The following FARP1 variants were observed in gnomAD, a reference collection of about 807,000 sequenced individuals.
FARP1 encodes FERM, ARHGEF and pleckstrin domain-containing protein 1.
In FARP1, 52 loss-of-function variants were observed where a neutral mutation model predicts 128.8. That is an observed-to-expected ratio of 0.40 (90% CI 0.32 to 0.51). The LOEUF is 0.51. Among genes scored for constraint, FARP1 ranks in the 20% least tolerant of loss-of-function variants. The pLI is 0.45. For synonymous variants in FARP1, 580 were observed against 551.8 expected (o/e 1.05, Z -0.72); for missense variants, 1,333 against 1,367.9 (o/e 0.97, Z 0.40).
At chr13:98,296,781 C>T (rs1885716615) in intron 2 of FARP1, among the ~76,000 whole-genome samples, 1 of 145,808 alleles carries the variant, frequency 6.9e-6, no homozygotes, top group Non-Finnish European at 1.5e-5. Flanking sequence ...TGCTTCCCAA[C>T]TCAGGTGATC....
chr13:98,175,844 T>C (rs1877972692), intron 1 of FARP1: 1 of 316,466 alleles, frequency 3.2e-6, no homozygotes, highest in Non-Finnish European at 5.8e-6. Flanking sequence ...ATTCTAGTTG[T>C]AGCATGTGAT....
chr13:98,267,046 C>T (rs2139564363), intron 2 of FARP1, among the ~76,000 whole-genome samples: 2 of 142,588 alleles, frequency 1.4e-5, no homozygotes, highest in South Asian at 4.6e-4. Context: ...GGGTGGTATA[C>T]AAGTGCAGAG....
chr13:98,210,807 C>T (rs1880659433), intron 1 of FARP1, among the ~76,000 whole-genome samples: 1 of 152,202 alleles, frequency 6.6e-6, no homozygotes, highest in Non-Finnish European at 1.5e-5. Flanking sequence ...CCTCAGCCTC[C>T]CAAAGTACTG....
At chr13:98,414,570 T>C (rs2389316) in intron 16 of FARP1, among the ~76,000 whole-genome samples, 49,522 of 152,054 alleles carry the variant, frequency 0.33, 9,160 homozygotes, top group African/African-American at 0.49. Context: ...TCGTTGAAGT[T>C]ACCTCAAGCA....
At chr13:98,184,422 G>A (rs1878726438) in intron 1 of FARP1, among the ~76,000 whole-genome samples, 1 of 152,132 alleles carries the variant, frequency 6.6e-6, no homozygotes, top group Non-Finnish European at 1.5e-5. Context: ...GCCTTTTAAT[G>A]TGTCATTTTA....
intron 1 of FARP1, among the ~76,000 whole-genome samples, chr13:98,179,078 G>A (rs1252184282): frequency 2.6e-5 from 4 of 152,122 alleles, no homozygotes; most frequent in Admixed American, 1.3e-4. Context: ...CCGTTTTCAC[G>A]CTGCTGATAA....
At chr13:98,238,303 C>T (rs1177156836) in intron 2 of FARP1, among the ~76,000 whole-genome samples, 1 of 152,184 alleles carries the variant, frequency 6.6e-6, no homozygotes, top group Non-Finnish European at 1.5e-5. Context: ...TGAGGTGACG[C>T]TGTTGAGGAT....
chr13:98,443,912 G>A (rs1243431805), intron 24 of FARP1, among the ~76,000 whole-genome samples: 3 of 7,240 alleles, frequency 4.1e-4, no homozygotes, highest in Non-Finnish European at 2.2e-3. Context: ...CCAGGGAGTG[G>A]CGGGCACGGG....
chr13:98,343,927 G>A (rs971440190), intron 3 of FARP1, 61 bp downstream of exon 3: 16 of 1,057,878 alleles, frequency 1.5e-5, no homozygotes, highest in Non-Finnish European at 2.4e-5. Context: ...GGGGGGCTGG[G>A]CAGGGGCCAG....
chr13:98,372,860 G>T (rs770877014), intron 5 of FARP1, among the ~76,000 whole-genome samples: 1 of 152,110 alleles, frequency 6.6e-6, no homozygotes, highest in Non-Finnish European at 1.5e-5. Context: ...TGTGTTTACC[G>T]GTTCAGTTTT....
At chr13:98,303,857 A>G (rs924884539) in intron 2 of FARP1, among the ~76,000 whole-genome samples, 1 of 152,228 alleles carries the variant, frequency 6.6e-6, no homozygotes, top group South Asian at 2.1e-4. Context: ...CAATTAAGAA[A>G]TTCAAAGACT....
chr13:98,437,405 G>T (rs1326246125), intron 19 of FARP1, among the ~76,000 whole-genome samples: 1 of 152,150 alleles, frequency 6.6e-6, no homozygotes, highest in South Asian at 2.1e-4. Flanking sequence ...AATTATTTAC[G>T]AAGACAGTTA....
rs563164999 is a variant in FARP1, at chr13:98,428,749, C to T, written c.1906-2294C>T. On this transcript the variant is annotated intron_variant, in intron 17 of 26. Transcript: ENST00000319562. ...CTTGGCCTGGGTGTGTGCATTGCTT[C>T]GTTGGCTCTTTGGTATATACAGGGA... Among the ~76,000 whole-genome samples, 289 of 152,288 alleles carry T rather than the reference C, an allele frequency of 1.9e-3. 1 individual carries two copies. The highest frequency in any genetic ancestry group is 6.8e-3 in the Middle Eastern group (2 of 294).
Position 98,409,943 on chromosome 13 carries a change from T to A in FARP1, c.1602+418T>A, listed in dbSNP as rs370742092. ...GCATGGGTGAGAATTGCCTGCCATTTGAGGGCTGAGTGATGTCCCGCTGTG... is the reference window on the plus strand; with the variant it reads ...GCATGGGTGAGAATTGCCTGCCATTAGAGGGCTGAGTGATGTCCCGCTGTG... On this transcript the variant is annotated intron_variant, in intron 14 of 26. Coordinates refer to ENST00000319562, the MANE Select transcript of FARP1 (RefSeq NM_005766.4). Among the ~76,000 whole-genome samples the A allele has an allele frequency of 3.3e-4, 51 of 152,386 alleles. 2 individuals are homozygous for A. Among genetic ancestry groups the A allele is most frequent in the African/African-American group, 1.2e-3 (51 of 41,592 alleles).
chr13:98,373,533 G>GACAGACAGACAC lies in FARP1; in HGVS notation c.399-4285_399-4284insGACAGACACACA, dbSNP rs1349451618. ...TTGACTTTCCAGAGACAGACAGACAGACACACACACACACACACACACACA... is the reference window on the plus strand; with the variant it reads ...TTGACTTTCCAGAGACAGACAGACAGACAGACAGACACACACACACACACACACACACACACA... On this transcript the variant is annotated intron_variant, in intron 5 of 26. Transcript: ENST00000319562. Among the ~76,000 whole-genome samples the GACAGACAGACAC allele has an allele frequency of 1.1e-3, 140 of 131,068 alleles. 2 individuals carry two copies. The highest frequency in any genetic ancestry group is 3.8e-3 in the African/African-American group (130 of 33,924). 86.0% of individuals were successfully genotyped at this position (131,068 alleles called of 152,430 possible).
chr13:98,191,776 C>T (rs1879245184), intron 1 of FARP1, among the ~76,000 whole-genome samples: 1 of 152,118 alleles, frequency 6.6e-6, no homozygotes, highest in Non-Finnish European at 1.5e-5. Flanking sequence ...AACCCCGTCC[C>T]TACTAAAAAT....
chr13:98,400,058 T>G (rs1890699026), intron 13 of FARP1: 1 of 152,244 alleles, frequency 6.6e-6, no homozygotes, highest in South Asian at 2.1e-4. Context: ...TGATTCATAT[T>G]TGGAAATTTC....
chr13:98,236,812 AC>A, intron 2 of FARP1, among the ~76,000 whole-genome samples: 2 of 151,916 alleles, frequency 1.3e-5, no homozygotes. Context: ...ACTTGGTGAA[AC>A]CCCATCTCTA....
rs1887379224 is a variant in FARP1, at chr13:98,329,273, A to G, written c.172-14489A>G. 2.0e-5 allele frequency: 3 copies of G among 152,340 alleles called. No individual in the cohort carries two copies. In the South Asian group the frequency reaches 6.2e-4, roughly 32 times the overall value. 9.4% of individuals were successfully genotyped at this position (152,340 alleles called of 1,614,324 possible). A position where few individuals can be genotyped will look rare whatever the true frequency, so the allele number is the denominator to read the frequency against. On this transcript the variant is annotated intron_variant, in intron 2 of 26. Transcript: ENST00000319562. ...ATCTTCTATTTTCTCTGTTTCTTTT[A>G]AGCTTTTTTCATATAGTTGGCCTTT... is the stretch of plus-strand genomic sequence containing the variant.
Sources: allele counts gnomAD v4.1 joint callset (sites outside exome capture counted in the v4.1 genomes callset), GRCh38; gene constraint gnomAD v4.1.1; transcripts MANE v1.5; gene names NCBI Gene and HGNC (gene_info 2026-07-23, HGNC 2026-07-21).